Variants in MGST1 observed in about 807,000 individuals in gnomAD.
MGST1 encodes microsomal glutathione S-transferase 1.
MGST1 carries 5 observed loss-of-function variants against 8.9 expected under a neutral mutation model. The ratio of observed to expected loss-of-function variants is 0.56; its 90% confidence interval spans 0.29 to 1.19. The LOEUF (loss-of-function observed/expected upper bound fraction) is 1.19. Among genes scored for constraint, MGST1 ranks in the 50% most tolerant of loss-of-function variants. The probability of loss-of-function intolerance (pLI) is 0.08; values close to 1 mark genes in which losing one functional copy is unlikely to be tolerated. For missense variants in MGST1, 182 were observed against 187.4 expected (o/e 0.97, Z 0.17); for synonymous variants, 54 against 67.8 (o/e 0.80, Z 1.00).
Position 16,513,802 on chromosome 12 carries a change from A to G in MGST1, n.483-75726A>G. 1 of 607,798 alleles carries G rather than the reference A, an allele frequency of 1.6e-6. No homozygotes were observed. Among genetic ancestry groups the G allele is most frequent in the Non-Finnish European group, 3.2e-6 (1 of 309,880 alleles). 37.7% of individuals were successfully genotyped at this position (607,798 alleles called of 1,614,324 possible). The stretch of plus-strand genomic sequence containing the variant: ...TTCTGGAACTAGTGCCTTAAGGATC[A>G]GAGCTAGTTTTCTGCAAAGATTTCT... On this transcript the variant is annotated intron_variant and non_coding_transcript_variant, in intron 4 of 4. Coordinates refer to the MGST1 transcript ENST00000538857. This position sits in a 1 kb window ranked among gnomAD's most constrained non-coding sequence, Gnocchi z 4.2.
At chr12:16,495,516 A>G (rs77010043) in intron 4 of MGST1, among the ~76,000 whole-genome samples, 1,629 of 152,218 alleles carry the variant, frequency 0.011, 34 homozygotes, top group African/African-American at 0.037. Context: ...ATAAAATAAA[A>G]TGCAAGGTGA....
chr12:16,424,393 A>G (rs892917091), intron 1 of MGST1, among the ~76,000 whole-genome samples: 1 of 152,182 alleles, frequency 6.6e-6, no homozygotes, highest in African/African-American at 2.4e-5. Flanking sequence ...AAAAAATTCA[A>G]CTTTCTCTGC....
At chr12:16,456,851 T>A (rs2137119662) in intron 4 of MGST1, among the ~76,000 whole-genome samples, 1 of 151,994 alleles carries the variant, frequency 6.6e-6, no homozygotes, top group East Asian at 1.9e-4. Context: ...CAATTCAGCT[T>A]CTGAAAACTG....
intron 4 of MGST1, among the ~76,000 whole-genome samples, chr12:16,578,605 G>A (rs1943064931): frequency 1.3e-5 from 2 of 152,112 alleles, no homozygotes; most frequent in Admixed American, 6.5e-5. Flanking sequence ...ATCACTTGAG[G>A]TCAGGAGTTC....
chr12:16,397,027 A>G (rs1940611596), intron 1 of MGST1, among the ~76,000 whole-genome samples: 1 of 152,206 alleles, frequency 6.6e-6, no homozygotes, highest in African/African-American at 2.4e-5. Context: ...ATTTCAAACT[A>G]TACTATAAGG....
intron 1 of MGST1, among the ~76,000 whole-genome samples, chr12:16,424,270 C>G (rs1285827427): frequency 2.0e-5 from 3 of 152,224 alleles, no homozygotes. Flanking sequence ...ACAGAGGTGT[C>G]ATAGAATCAC....
intron 1 of MGST1, among the ~76,000 whole-genome samples, chr12:16,435,890 G>C (rs1219692327): frequency 6.6e-6 from 1 of 151,752 alleles, no homozygotes; most frequent in Non-Finnish European, 1.5e-5. Context: ...GGGTAGCCTT[G>C]GTTTTTCAAT....
At chr12:16,573,494 T>C (rs1942890881) in intron 4 of MGST1, 1 of 152,158 alleles carries the variant, frequency 6.6e-6, no homozygotes, top group South Asian at 2.1e-4. Flanking sequence ...CTACTAGTTA[T>C]CTCTTTTTAC....
downstream of MGST1, among the ~76,000 whole-genome samples, chr12:16,380,312 A>C: frequency 6.6e-6 from 1 of 152,112 alleles, no homozygotes; most frequent in South Asian, 2.1e-4. Flanking sequence ...CACTGCTTTG[A>C]ATGTGTGCCA....
intron 4 of MGST1, among the ~76,000 whole-genome samples, chr12:16,588,508 G>C (rs1163139321): frequency 6.6e-6 from 1 of 152,002 alleles, no homozygotes; most frequent in Non-Finnish European, 1.5e-5. Flanking sequence ...AGGTAAAACA[G>C]GGAGAGCATG....
chr12:16,401,478 T>G lies in MGST1; in HGVS notation n.778+17874T>G. ...CACATATCTTCACACCATGTCTTAA[T>G]TCCTTCAGCAGCTCTTCTTGAAGCT... On this transcript the variant is annotated intron_variant and non_coding_transcript_variant, in intron 1 of 1. Coordinates refer to the MGST1 transcript ENST00000359720. The surrounding 1 kb of genome is among the most constrained non-coding windows in gnomAD (Gnocchi z 4.3). The G allele has an allele frequency of 1.2e-6, 1 of 837,250 alleles. No individual in the cohort carries two copies. The allele number at this position is 837,250 out of a possible 1,614,324, so 51.9% of individuals were successfully genotyped here. A position where few individuals can be genotyped will look rare whatever the true frequency, so the allele number is the denominator to read the frequency against.
At chr12:16,455,444 C>CT (rs371179137) in intron 4 of MGST1, among the ~76,000 whole-genome samples, 23 of 148,064 alleles carry the variant, frequency 1.6e-4, no homozygotes, top group Admixed American at 6.1e-4. Flanking sequence ...ATTTAGTTCA[C>CT]TTTTTTTTTT....
In MGST1 at chr12:16,507,791, A is replaced by T. The variant is rs115798635; in HGVS notation, n.483-81737A>T. Among the ~76,000 whole-genome samples the T allele has an allele frequency of 1.1e-3, 168 of 152,168 alleles. 1 individual carries two copies. The highest frequency in any genetic ancestry group is 3.9e-3 in the African/African-American group (161 of 41,534). On this transcript the variant is annotated intron_variant and non_coding_transcript_variant, in intron 4 of 4. Transcript: ENST00000538857. ...ATATCATGAGAACAACAGGGAGGAA[A>T]TCTGCCCCCATGATTCAATCACCTC... is the stretch of plus-strand genomic sequence containing the variant.
At chr12:16,448,160 A>G (rs1009047030) in intron 4 of MGST1, among the ~76,000 whole-genome samples, 2 of 151,958 alleles carry the variant, frequency 1.3e-5, no homozygotes, top group Non-Finnish European at 2.9e-5. Context: ...AATGAGTACG[A>G]CAATTAAGAA....
chr12:16,562,426 T>C (rs1011713948), intron 4 of MGST1, among the ~76,000 whole-genome samples: 1 of 152,236 alleles, frequency 6.6e-6, no homozygotes, highest in African/African-American at 2.4e-5. Context: ...TTTGTTCATA[T>C]CTAATAAACA....
At chr12:16,424,522 TC>T (rs1940868851) in intron 1 of MGST1, among the ~76,000 whole-genome samples, 1 of 152,204 alleles carries the variant, frequency 6.6e-6, no homozygotes, top group Non-Finnish European at 1.5e-5. Context: ...TCTAATTATT[TC>T]TTCTTGTAAG....
At chr12:16,445,038 C>T (rs11835209) in intron 4 of MGST1, among the ~76,000 whole-genome samples, 5,058 of 151,516 alleles carry the variant, frequency 0.033, 224 homozygotes, top group African/African-American at 0.1. Flanking sequence ...CTGCTGAAAC[C>T]GCCACATTCA....
rs1941567674 is a variant in MGST1 at position 16,510,198 on chromosome 12, C to T, written n.483-79330C>T. Among the ~76,000 whole-genome samples the T allele has an allele frequency of 2.0e-5, 3 of 151,994 alleles. No individual in the cohort carries two copies. In the South Asian group the frequency reaches 6.2e-4, roughly 32 times the overall value. Reference sequence around the variant, plus strand: ...TGGCTCCCTTGGTCTTCCAGAATTTCCTGCTTTAGTCTGCAGGCATAACAG... The same window carrying T: ...TGGCTCCCTTGGTCTTCCAGAATTTTCTGCTTTAGTCTGCAGGCATAACAG... On this transcript the variant is annotated intron_variant and non_coding_transcript_variant, in intron 4 of 4. Coordinates refer to the MGST1 transcript ENST00000538857.
rs1025715077 is a variant in MGST1, at chr12:16,500,248, TA to T, written n.483-89274del. Reference sequence around the variant, plus strand: ...AGAAAATAATTAAAGGTTATGCCATTAAAAAATGTGTCCAAAATGAAGCAAA... The same window carrying T: ...AGAAAATAATTAAAGGTTATGCCATTAAAAATGTGTCCAAAATGAAGCAAA... On this transcript the variant is annotated intron_variant and non_coding_transcript_variant, in intron 4 of 4. Coordinates refer to the MGST1 transcript ENST00000538857. The surrounding 1 kb of genome is among the most constrained non-coding windows in gnomAD (Gnocchi z 4.3). Among the ~76,000 whole-genome samples the T allele has an allele frequency of 3.2e-4, 48 of 152,286 alleles. No homozygotes were observed. Among genetic ancestry groups the T allele is most frequent in the African/African-American group, 1.1e-3 (45 of 41,560 alleles).
Sources: gnomAD v4.1 joint callset for allele counts (sites outside exome capture counted in the v4.1 genomes callset) on GRCh38, gnomAD v4.1.1 for gene constraint, Gnocchi (gnomAD v3.1) non-coding constraint, MANE v1.5 for transcripts, NCBI Gene and HGNC (gene_info 2026-07-23, HGNC 2026-07-21) for gene names.